ACOX2: variants seen among roughly 807,000 people sequenced by gnomAD.
The protein encoded by ACOX2 is peroxisomal acyl-coenzyme A oxidase 2.
Under a neutral mutation model 77.5 loss-of-function variants are expected in ACOX2, and 59 were observed. The ratio of observed to expected loss-of-function variants is 0.76; its 90% confidence interval spans 0.62 to 0.95. ACOX2 has a LOEUF of 0.95. Ranked by LOEUF, ACOX2 falls within the 40% of genes least tolerant of loss-of-function variation. ACOX2 has a pLI of 0.00. For missense variants in ACOX2, 837 were observed against 880.4 expected (o/e 0.95, Z 0.62); for synonymous variants, 317 against 340.1 (o/e 0.93, Z 0.75).
rs766561544 is a variant in ACOX2 at position 58,532,746 on chromosome 3, T to C, written c.583+699A>G. On this transcript the variant is annotated intron_variant, in intron 5 of 14. Coordinates refer to ENST00000302819, the MANE Select transcript of ACOX2 (RefSeq NM_003500.4). ...TCTCCCTCTCTCTATGTGTCTCTCA[T>C]CTCTGTCACTCTCCTGCTTTAGTTG... Among the ~76,000 whole-genome samples the C allele has an allele frequency of 1.6e-4, 24 of 152,206 alleles. 1 individual carries two copies. The South Asian group carries it at 1.7e-3, about 11-fold the overall frequency.
rs1337306300 is a variant in ACOX2 at position 58,512,570 on chromosome 3, A to G, written c.1851-3545T>C. On this transcript the variant is annotated intron_variant, in intron 13 of 14. Coordinates refer to ENST00000302819, the MANE Select transcript of ACOX2 (RefSeq NM_003500.4). This position sits in a 1 kb window ranked among gnomAD's most constrained non-coding sequence, Gnocchi z 4.8. ...ACCTTACCGTCTCTTCCCACCCCCT[A>G]CTGTACTCCCTTAACTCTCTGCCCT... Among the ~76,000 whole-genome samples the G allele has an allele frequency of 1.3e-5, 2 of 151,854 alleles. No homozygotes were observed. The highest frequency in any genetic ancestry group is 2.9e-5 in the Non-Finnish European group (2 of 67,964).
Position 58,526,902 on chromosome 3 carries a change from G to A in ACOX2, c.1156-246C>T, listed in dbSNP as rs1345569933. ...TGAAGGAAAACCTGGCCTGGCCAGTGTCTCCAGGATTGGGAAGAGGGTGCT... is the reference window on the plus strand; with the variant it reads ...TGAAGGAAAACCTGGCCTGGCCAGTATCTCCAGGATTGGGAAGAGGGTGCT... On this transcript the variant is annotated intron_variant, in intron 9 of 14. Transcript: ENST00000302819. The surrounding 1 kb of genome is among the most constrained non-coding windows in gnomAD (Gnocchi z 4.3). Among the ~76,000 whole-genome samples the A allele has an allele frequency of 1.3e-5, 2 of 152,184 alleles. No homozygotes were observed. The highest frequency in any genetic ancestry group is 1.5e-5 in the Non-Finnish European group (1 of 68,032).
intron 12 of ACOX2, among the ~76,000 whole-genome samples, chr3:58,520,797 A>AGGCT (rs1203169359): frequency 7.5e-4 from 114 of 152,270 alleles, no homozygotes; most frequent in African/African-American, 2.7e-3. Context: ...CTTCCCCCGC[A>AGGCT]GGCTGGCTGG....
chr3:58,533,382 C>T lies in ACOX2; in HGVS notation c.583+63G>A. ...CTGTTGGACCTCAAAGCCAGTGCTA[C>T]TCTGCCCTCCAACATTCTTCTACTT... On this transcript the variant is annotated intron_variant, in intron 5 of 14. Transcript: ENST00000302819. The surrounding 1 kb of genome is among the most constrained non-coding windows in gnomAD (Gnocchi z 5.6). The T allele has an allele frequency of 6.8e-7, 1 of 1,468,580 alleles. No homozygotes were observed. The highest frequency in any genetic ancestry group is 1.4e-5 in the African/African-American group (1 of 72,026). 91.0% of individuals were successfully genotyped at this position (1,468,580 alleles called of 1,614,324 possible). A position where few individuals can be genotyped will look rare whatever the true frequency, so the allele number is the denominator to read the frequency against.
rs2063411625 is a variant in ACOX2 at position 58,528,255 on chromosome 3, T to C, written c.1155+539A>G. Among the ~76,000 whole-genome samples the C allele has an allele frequency of 6.6e-6, 1 of 152,186 alleles. No homozygotes were observed. Among genetic ancestry groups the C allele is most frequent in the South Asian group, 2.1e-4 (1 of 4,830 alleles). ...CCTGGACAGACTGAATTTTACTATATATGTAAGTCCACAATGCTTTACCTG... is the reference window on the plus strand; with the variant it reads ...CCTGGACAGACTGAATTTTACTATACATGTAAGTCCACAATGCTTTACCTG... On this transcript the variant is annotated intron_variant, in intron 9 of 14. Transcript: ENST00000302819. The surrounding 1 kb of genome is among the most constrained non-coding windows in gnomAD (Gnocchi z 5.6).
chr3:58,529,449 T>G (rs1229094413), intron 8 of ACOX2, among the ~76,000 whole-genome samples: 1 of 152,212 alleles, frequency 6.6e-6, no homozygotes, highest in Non-Finnish European at 1.5e-5. Context: ...TATCCGCTGC[T>G]ATGTCCTCAG....
rs2063459076 is a variant in ACOX2 at position 58,533,927 on chromosome 3, T to C, written c.475+67A>G. ...GCATATGAACCTATGACTACCTAGATGTAAATGGGCCCTCTGGAGTTTTGC... is the reference window on the plus strand; with the variant it reads ...GCATATGAACCTATGACTACCTAGACGTAAATGGGCCCTCTGGAGTTTTGC... On this transcript the variant is annotated intron_variant, in intron 4 of 14. Transcript: ENST00000302819. This position sits in a 1 kb window ranked among gnomAD's most constrained non-coding sequence, Gnocchi z 5.6. 1 of 1,577,580 alleles carries C rather than the reference T, an allele frequency of 6.3e-7. No homozygotes were observed. The highest frequency in any genetic ancestry group is 8.7e-7 in the Non-Finnish European group (1 of 1,153,862).
In ACOX2 at chr3:58,505,768, CTG is replaced by C. The variant is rs2063229788; in HGVS notation, c.1984-484_1984-483del. Among the ~76,000 whole-genome samples, 1 of 151,580 alleles carries C rather than the reference CTG, an allele frequency of 6.6e-6. No individual in the cohort carries two copies. Among genetic ancestry groups the C allele is most frequent in the African/African-American group, 2.4e-5 (1 of 41,382 alleles). On this transcript the variant is annotated intron_variant, in intron 14 of 14. Coordinates refer to ENST00000302819, the MANE Select transcript of ACOX2 (RefSeq NM_003500.4). This position sits in a 1 kb window ranked among gnomAD's most constrained non-coding sequence, Gnocchi z 4.4. ...GTGTGTGTGCCTGTCTACACTAAAA[CTG>C]TAAGCTCCTCGAACACTGGGCTTTT...
intron 12 of ACOX2, among the ~76,000 whole-genome samples, chr3:58,520,614 AGT>A: frequency 6.6e-6 from 1 of 152,226 alleles, no homozygotes; most frequent in Non-Finnish European, 1.5e-5. Context: ...CTCAAGTTGC[AGT>A]TATCTCTACC....
Position 58,522,456 on chromosome 3 carries a change from C to T in ACOX2, c.1632+40G>A. On this transcript the variant is annotated intron_variant, in intron 12 of 14. Coordinates refer to ENST00000302819, the MANE Select transcript of ACOX2 (RefSeq NM_003500.4). The surrounding 1 kb of genome is among the most constrained non-coding windows in gnomAD (Gnocchi z 4.3). ...CCAGCAGGGTAGCCTGCCTGGGAAG[C>T]AAAATGGATCCCTTTCAGCTTCAGC... The T allele has an allele frequency of 1.9e-6, 3 of 1,597,752 alleles. No individual in the cohort carries two copies. The South Asian group carries it at 3.3e-5, about 18-fold the overall frequency.
rs1405973856 is a variant in ACOX2 at position 58,505,515 on chromosome 3, TTA to T, written c.1984-231_1984-230del. Among the ~76,000 whole-genome samples the T allele has an allele frequency of 3.9e-5, 6 of 152,214 alleles. No individual in the cohort carries two copies. Among genetic ancestry groups the T allele is most frequent in the Non-Finnish European group, 8.8e-5 (6 of 68,038 alleles). On this transcript the variant is annotated intron_variant, in intron 14 of 14. Transcript: ENST00000302819. The surrounding 1 kb of genome is among the most constrained non-coding windows in gnomAD (Gnocchi z 4.4). Reference sequence around the variant, plus strand: ...TTAAATTGTGGATGCAGGTGGCCAATTAAAAACACAGCTTATCACTTGCTTTT... The same window carrying T: ...TTAAATTGTGGATGCAGGTGGCCAATAAAACACAGCTTATCACTTGCTTTT...
At position 58,528,085 on chromosome 3, in the gene ACOX2, A is replaced by C. The variant is rs1049724863; in HGVS notation, c.1155+709T>G. On this transcript the variant is annotated intron_variant, in intron 9 of 14. Transcript: ENST00000302819. This position sits in a 1 kb window ranked among gnomAD's most constrained non-coding sequence, Gnocchi z 5.6. Reference sequence around the variant, plus strand: ...AACAGGACAGAGGCTGCTGGGCAGCAGGACTGCTTTCAGATTTTGGTTCTT... The same window carrying C: ...AACAGGACAGAGGCTGCTGGGCAGCCGGACTGCTTTCAGATTTTGGTTCTT... 6.6e-6 allele frequency among the ~76,000 whole-genome samples: 1 copy of C among 152,232 alleles called. No homozygotes were observed. The highest frequency in any genetic ancestry group is 1.5e-5 in the Non-Finnish European group (1 of 68,038).
At chr3:58,508,405 G>A (rs1418188313) in intron 14 of ACOX2, among the ~76,000 whole-genome samples, 1 of 152,184 alleles carries the variant, frequency 6.6e-6, no homozygotes, top group African/African-American at 2.4e-5. Flanking sequence ...TTAGAGTGAA[G>A]AGGAGAGGGT....
Position 58,534,242 on chromosome 3 carries a change from C to A in ACOX2, c.324-97G>T. On this transcript the variant is annotated intron_variant, in intron 3 of 14. Transcript: ENST00000302819. The surrounding 1 kb of genome is among the most constrained non-coding windows in gnomAD (Gnocchi z 4.8). Reference sequence around the variant, plus strand: ...AGTACAGGAGATAAAGGGCACCTAGCATCCTGGTTTCCCAACAAGTCTTCC... The same window carrying A: ...AGTACAGGAGATAAAGGGCACCTAGAATCCTGGTTTCCCAACAAGTCTTCC... 1 of 1,576,406 alleles carries A rather than the reference C, an allele frequency of 6.3e-7. No homozygotes were observed. The highest frequency in any genetic ancestry group is 8.6e-7 in the Non-Finnish European group (1 of 1,163,720).
At chr3:58,507,240 G>T (rs568586322) in intron 14 of ACOX2, among the ~76,000 whole-genome samples, 65 of 152,310 alleles carry the variant, frequency 4.3e-4, no homozygotes, top group African/African-American at 1.5e-3. Context: ...CATAGACGTG[G>T]AGTGTCTACT....
rs1054400678 is a variant in ACOX2 at position 58,515,752 on chromosome 3, C to T, written c.1850+1454G>A. Among the ~76,000 whole-genome samples the T allele has an allele frequency of 6.6e-6, 1 of 152,028 alleles. No individual in the cohort carries two copies. Among genetic ancestry groups the T allele is most frequent in the African/African-American group, 2.4e-5 (1 of 41,406 alleles). ...AGTCCATTTTTTTTAATCTTATGGACAATGGTAAATAATTTGCAATGTTTT... is the reference window on the plus strand; with the variant it reads ...AGTCCATTTTTTTTAATCTTATGGATAATGGTAAATAATTTGCAATGTTTT... On this transcript the variant is annotated intron_variant, in intron 13 of 14. Transcript: ENST00000302819. The surrounding 1 kb of genome is among the most constrained non-coding windows in gnomAD (Gnocchi z 4.0).
rs143133121 is a variant in ACOX2 at position 58,517,216 on chromosome 3, G to A, written c.1840C>T (p.Arg614Cys). Residue 614 changes from arginine (R) to cysteine (C), a missense_variant, in exon 13 of 15, where the codon CGC becomes TGC. Coordinates refer to ENST00000302819, the MANE Select transcript of ACOX2 (RefSeq NM_003500.4). ...MARTAYLDLL[R>C]LIRKDAILLT... The stretch of plus-strand genomic sequence containing the variant: ...GTCTCTGCCACTCACCGGATCAGGC[G>A]GAGCAGGTCCAGGTAGGCTGTTCTT... 281 of 1,613,832 alleles carry A rather than the reference G, an allele frequency of 1.7e-4. No individual in the cohort carries two copies. In the East Asian group the frequency reaches 5.3e-3, roughly 30 times the overall value.
At position 58,517,379 on chromosome 3, in the gene ACOX2, C is replaced by T. The variant is rs754028497; in HGVS notation, c.1677G>A (p.Leu559=). 1.2e-6 allele frequency: 2 copies of T among 1,614,150 alleles called. No homozygotes were observed. Among genetic ancestry groups the T allele is most frequent in the Non-Finnish European group, 1.7e-6 (2 of 1,180,028 alleles). ...YVTVKGFTEA[L]EKLENEPAIQ... is the part of the protein sequence containing the mutation. ...TCGCTGGTTCATTTTCTAGTTTCTC[C>T]AGAGCTTCTGTAAAACCCTTCACAG... Residue 559 remains leucine, a synonymous_variant, in exon 13 of 15, where the codon CTG becomes CTA. Coordinates refer to ENST00000302819, the MANE Select transcript of ACOX2 (RefSeq NM_003500.4).
In ACOX2 at chr3:58,531,517, C is replaced by T; in HGVS notation, c.704-151G>A. 3 of 1,242,912 alleles carry T rather than the reference C, an allele frequency of 2.4e-6. No individual in the cohort carries two copies. Among genetic ancestry groups the T allele is most frequent in the South Asian group, 1.5e-5 (1 of 68,616 alleles). The allele number at this position is 1,242,912 out of a possible 1,614,324, so 77.0% of individuals were successfully genotyped here. The stretch of plus-strand genomic sequence containing the variant: ...TGAACAAGCTGAGGTCAGAAAGATG[C>T]TAAATCTTGCTCAAGTTCACCTAGC... On this transcript the variant is annotated intron_variant, in intron 6 of 14. Transcript: ENST00000302819. The surrounding 1 kb of genome is among the most constrained non-coding windows in gnomAD (Gnocchi z 5.8).
Sources: allele counts gnomAD v4.1 joint callset (sites outside exome capture counted in the v4.1 genomes callset), GRCh38; gene constraint gnomAD v4.1.1; non-coding constraint Gnocchi (gnomAD v3.1); transcripts MANE v1.5; gene names NCBI Gene and HGNC (gene_info 2026-07-23, HGNC 2026-07-21).